The following DEK variants were observed in gnomAD, a reference collection of about 807,000 sequenced individuals.
The protein encoded by DEK is protein DEK.
A neutral mutation model predicts 46.8 loss-of-function variants in DEK; 28 were observed. That is an observed-to-expected ratio of 0.60 (90% confidence interval 0.44 to 0.82). DEK has a LOEUF of 0.82. Ranked by LOEUF, DEK falls within the 40% of genes least tolerant of loss-of-function variation. DEK has a pLI of 0.00. For synonymous variants in DEK, 160 were observed against 144.5 expected (o/e 1.11, Z -0.77); for missense variants, 416 against 430.6 (o/e 0.97, Z 0.30).
chr6:18,243,374 T>C (rs373255785), intron 7 of DEK, among the ~76,000 whole-genome samples: 1 of 152,132 alleles, frequency 6.6e-6, no homozygotes, highest in Non-Finnish European at 1.5e-5. Flanking sequence ...AATAAGATAA[T>C]CATTTTGAAT....
chr6:18,243,026 G>T (rs780938000), intron 7 of DEK, among the ~76,000 whole-genome samples: 12 of 152,174 alleles, frequency 7.9e-5, no homozygotes, highest in Non-Finnish European at 1.5e-4. Context: ...CCAAATGACA[G>T]CAATCGGGCT....
intron 8 of DEK, 138 bp downstream of exon 8, chr6:18,237,243 G>T: frequency 1.0e-6 from 1 of 969,058 alleles, no homozygotes; most frequent in Non-Finnish European, 1.4e-6. Context: ...TCAGATAAGG[G>T]ATATTCAACC....
intron 8 of DEK, chr6:18,237,033 A>G (rs1790682875): frequency 5.0e-6 from 1 of 201,628 alleles, no homozygotes; most frequent in South Asian, 1.2e-4. Flanking sequence ...TCAAGGCTAC[A>G]GTGAGCTGTA....
intron 2 of DEK, 93 bp from the exon 3 acceptor site, chr6:18,258,498 C>G: frequency 1.2e-6 from 1 of 864,086 alleles, no homozygotes; most frequent in Non-Finnish European, 1.8e-6. Flanking sequence ...TCCCCAAAAC[C>G]TAATACTTTA....
rs767101165 is a variant in DEK at position 18,249,733 on chromosome 6, G to A, written c.680C>T (p.Ser227Leu). ...ATCTTCATCACTACTAGATTCATCT[G>A]ACAGAATTTCAGGACATTTGGTTCG... ...AKRTKCPEIL[S>L]DESSSDEDEK... The change falls in exon 7 of 11, where the codon TCA becomes TTA. Residue 227 changes from serine to leucine, a missense_variant. Coordinates refer to ENST00000652689, the MANE Select transcript of DEK (RefSeq NM_003472.4). 6 of 1,613,424 alleles carry A rather than the reference G, an allele frequency of 3.7e-6. No individual in the cohort carries two copies. The highest frequency in any genetic ancestry group is 5.1e-6 in the Non-Finnish European group (6 of 1,179,894).
intron 3 of DEK, 86 bp from the exon 4 acceptor site, chr6:18,258,148 C>A: frequency 9.0e-7 from 1 of 1,110,322 alleles, no homozygotes; most frequent in South Asian, 1.5e-5. Flanking sequence ...ATTTTCACAG[C>A]ATAATTTACA....
intron 7 of DEK, among the ~76,000 whole-genome samples, chr6:18,240,951 T>C (rs1236720605): frequency 6.6e-6 from 1 of 152,328 alleles, no homozygotes; most frequent in Middle Eastern, 3.4e-3. Flanking sequence ...CAAACATCTA[T>C]AGTAATACGT....
chr6:18,254,094 G>A (rs1209990143), intron 6 of DEK, among the ~76,000 whole-genome samples: 1 of 152,132 alleles, frequency 6.6e-6, no homozygotes, highest in Non-Finnish European at 1.5e-5. Context: ...ACTCTGGGAG[G>A]CCGAGGCGGT....
chr6:18,248,870 GA>G (rs1791238019), intron 7 of DEK, among the ~76,000 whole-genome samples: 1 of 152,108 alleles, frequency 6.6e-6, no homozygotes, highest in Non-Finnish European at 1.5e-5. Context: ...ATGTCAAGTT[GA>G]CATTATCCAA....
At chr6:18,234,069 C>T (rs1582259943) in intron 9 of DEK, among the ~76,000 whole-genome samples, 1 of 151,768 alleles carries the variant, frequency 6.6e-6, no homozygotes, top group East Asian at 1.9e-4. Flanking sequence ...CCATCATTCT[C>T]AGCAAACTAT....
intron 9 of DEK, among the ~76,000 whole-genome samples, chr6:18,228,463 T>C (rs1182988331): frequency 2.1e-5 from 3 of 142,776 alleles, no homozygotes; most frequent in Non-Finnish European, 4.5e-5. Context: ...AGAAGACGGG[T>C]GATTTCTGCA....
At chr6:18,233,279 A>C (rs1191632245) in intron 9 of DEK, among the ~76,000 whole-genome samples, 2 of 152,220 alleles carry the variant, frequency 1.3e-5, no homozygotes, top group Non-Finnish European at 1.5e-5. Context: ...ACCATTCAGG[A>C]CATAGGCATG....
At position 18,263,971 on chromosome 6, in the gene DEK, G is replaced by C; in HGVS notation, c.17C>G (p.Pro6Arg). The C allele has an allele frequency of 6.2e-7, 1 of 1,611,614 alleles. No individual in the cohort carries two copies. Among genetic ancestry groups the C allele is most frequent in the Non-Finnish European group, 8.5e-7 (1 of 1,179,106 alleles). ...GGGGGTTCCCTCCCCCTCCGCAGCA[G>C]GGGCCGAGGCGGACATGCTGTGAAC... is the stretch of plus-strand genomic sequence containing the variant. MSASAPAAEGEGTPTQ... is the reference protein window; with the variant it reads MSASARAAEGEGTPTQ... The change falls in exon 2 of 11, where the codon CCT becomes CGT. Residue 6 changes from proline to arginine, a missense_variant. Physicochemically the swap from Pro to Arg is moderately radical, Grantham distance 103. Coordinates refer to ENST00000652689, the MANE Select transcript of DEK (RefSeq NM_003472.4).
At position 18,255,782 on chromosome 6, in the gene DEK, T is replaced by C. The variant is rs567750222; in HGVS notation, c.522A>G (p.Glu174=). The C allele has an allele frequency of 1.3e-5, 21 of 1,612,736 alleles. No homozygotes were observed. Among genetic ancestry groups the C allele is most frequent in the Middle Eastern group, 1.7e-4 (1 of 6,060 alleles). ...LDLERSGVNS[E]LVKRILNFLM... ...AGAAATTCAAGATCCTCTTCACTAG[T>C]TCACTATTTACACCTGATCTCTCCA... Residue 174 remains glutamate, a synonymous_variant, in exon 6 of 11, where the codon GAA becomes GAG. Transcript: ENST00000652689.
At chr6:18,230,872 C>G (rs559744197) in intron 9 of DEK, among the ~76,000 whole-genome samples, 1 of 152,166 alleles carries the variant, frequency 6.6e-6, no homozygotes, top group South Asian at 2.1e-4. Context: ...CTGCACCAAG[C>G]GGACCTAACA....
intron 8 of DEK, among the ~76,000 whole-genome samples, chr6:18,236,879 GAC>G (rs1251993010): frequency 6.6e-6 from 1 of 152,062 alleles, no homozygotes; most frequent in Non-Finnish European, 1.5e-5. Context: ...GCACCAACAT[GAC>G]ACCACCAGGA....
At chr6:18,257,614 G>A (rs1208407344) in intron 4 of DEK, among the ~76,000 whole-genome samples, 1 of 152,094 alleles carries the variant, frequency 6.6e-6, no homozygotes, top group East Asian at 1.9e-4. Flanking sequence ...TACTTGGGAG[G>A]CTTAAGCGGG....
chr6:18,235,324 C>G (rs1248959791), intron 9 of DEK, among the ~76,000 whole-genome samples: 1 of 152,204 alleles, frequency 6.6e-6, no homozygotes, highest in Non-Finnish European at 1.5e-5. Context: ...GTGAGGACTT[C>G]TTTCCAATCC....
intron 2 of DEK, 89 bp downstream of exon 2, chr6:18,263,754 C>T: frequency 1.2e-6 from 2 of 1,608,458 alleles, no homozygotes; most frequent in East Asian, 2.2e-5. Flanking sequence ...CTCTAAACAC[C>T]AAAAGAGCAA....
Sources: gnomAD v4.1 joint callset for allele counts (sites outside exome capture counted in the v4.1 genomes callset) on GRCh38, gnomAD v4.1.1 for gene constraint, MANE v1.5 for transcripts, NCBI Gene and HGNC (gene_info 2026-07-23, HGNC 2026-07-21) for gene names.